DZIP1: variants seen among roughly 807,000 people sequenced by gnomAD.
DZIP1 encodes the protein cilium assembly protein DZIP1.
Under a neutral mutation model 107.6 loss-of-function variants are expected in DZIP1, and 97 were observed. The observed-to-expected ratio is 0.90, with a 90% confidence interval of 0.77 to 1.07. The LOEUF (loss-of-function observed/expected upper bound fraction) is 1.07, where lower values mean the gene tolerates loss of function less well. Ranked by LOEUF, DZIP1 falls within the 50% of genes least tolerant of loss-of-function variation. The probability of loss-of-function intolerance (pLI) is 0.00; values close to 1 mark genes in which losing one functional copy is unlikely to be tolerated. For synonymous variants in DZIP1, 390 were observed against 386.4 expected (o/e 1.01, Z -0.11); for missense variants, 1,035 against 1,063.6 (o/e 0.97, Z 0.37).
chr13:95,636,566 A>G (rs1174325292), intron 5 of DZIP1, among the ~76,000 whole-genome samples: 1 of 151,656 alleles, frequency 6.6e-6, no homozygotes, highest in Non-Finnish European at 1.5e-5. Flanking sequence ...AAAAATAGAA[A>G]AAAAGAAAAG....
chr13:95,594,848 C>T (rs973963993), intron 15 of DZIP1, among the ~76,000 whole-genome samples: 6 of 144,002 alleles, frequency 4.2e-5, no homozygotes, highest in Non-Finnish European at 9.0e-5. Context: ...ATTCTCCTCA[C>T]TTCCATCCCT....
chr13:95,599,223 G>C, intron 15 of DZIP1, 142 bp downstream of exon 15: 1 of 685,916 alleles, frequency 1.5e-6, no homozygotes, highest in South Asian at 1.9e-5. Context: ...ACTCTATGTG[G>C]GTTGAAAGTA....
intron 22 of DZIP1, 120 bp from the exon 23 acceptor site, chr13:95,582,433 A>C (rs2044033039): frequency 2.4e-6 from 2 of 826,918 alleles, no homozygotes; most frequent in African/African-American, 1.7e-5. Flanking sequence ...AAATCTGTTC[A>C]TGAATCCTCA....
At position 95,612,086 on chromosome 13, in the gene DZIP1, C is replaced by T. The variant is rs1292098812; in HGVS notation, c.1265G>A (p.Gly422Glu). 6.2e-7 allele frequency: 1 copy of T among 1,613,650 alleles called. No individual in the cohort carries two copies. The highest frequency in any genetic ancestry group is 8.5e-7 in the Non-Finnish European group (1 of 1,180,028). The change falls in exon 11 of 23, where the codon GGG (glycine) becomes GAG (glutamate). Residue 422 changes from glycine to glutamate, a missense_variant. Transcript: ENST00000376829. ...CTCATTCTGCTCCTGGAGTCTCTGC[C>T]CTAGCTCTTCTATCCTTTTCTTATA... ...VFYKKRIEEL[G>E]QRLQEQNELI... is the part of the protein sequence containing the mutation.
chr13:95,588,924 T>A (rs2044236976), intron 19 of DZIP1, among the ~76,000 whole-genome samples: 1 of 152,212 alleles, frequency 6.6e-6, no homozygotes, highest in Admixed American at 6.5e-5. Flanking sequence ...ATGACTCAGG[T>A]GTCTTGCTTC....
At chr13:95,601,940 C>T (rs562280588) in intron 14 of DZIP1, among the ~76,000 whole-genome samples, 5 of 152,238 alleles carry the variant, frequency 3.3e-5, no homozygotes, top group African/African-American at 9.6e-5. Flanking sequence ...AGCAGACTCC[C>T]GGGGAGGAAT....
At position 95,588,715 on chromosome 13, in the gene DZIP1, A is replaced by G. The variant is rs543466479; in HGVS notation, c.2027+439T>C. On this transcript the variant is annotated intron_variant, in intron 19 of 22. Coordinates refer to ENST00000376829, the MANE Select transcript of DZIP1 (RefSeq NM_198968.4). ...GATGAACAACTGGGCTAGGGTTTTT[A>G]GTATCCTAAGAGAACCTAAGACAGG... Among the ~76,000 whole-genome samples, 9 of 152,346 alleles carry G rather than the reference A, an allele frequency of 5.9e-5. No homozygotes were observed. The East Asian group carries it at 1.3e-3, about 23-fold the overall frequency.
intron 16 of DZIP1, among the ~76,000 whole-genome samples, chr13:95,591,985 G>C (rs1181141217): frequency 6.6e-6 from 1 of 152,090 alleles, no homozygotes; most frequent in Non-Finnish European, 1.5e-5. Flanking sequence ...GTATGGTATG[G>C]GAAAAGGAAC....
Position 95,582,216 on chromosome 13 carries a change from A to G in DZIP1, c.*18T>C, listed in dbSNP as rs1292375599. 1 of 1,612,054 alleles carries G rather than the reference A, an allele frequency of 6.2e-7. No individual in the cohort carries two copies. Among genetic ancestry groups the G allele is most frequent in the African/African-American group, 1.3e-5 (1 of 75,026 alleles). On this transcript the variant is annotated 3_prime_UTR_variant, in exon 23 of 23. Transcript: ENST00000376829. ...TGAAATACTGCTGGCTTCTGGAATA[A>G]TCTTCTGACATGTGGAATTAGACAT... is the stretch of plus-strand genomic sequence containing the variant.
chr13:95,633,743 T>C (rs1001082759), intron 5 of DZIP1, among the ~76,000 whole-genome samples: 2 of 150,720 alleles, frequency 1.3e-5, no homozygotes, highest in African/African-American at 4.9e-5. Context: ...GCTTTCTCGC[T>C]GAACGATACC....
rs1308373267 is a variant in DZIP1, at chr13:95,578,602, T to C, written c.*3632A>G. 6.6e-6 allele frequency: 1 copy of C among 152,244 alleles called. No homozygotes were observed. Among genetic ancestry groups the C allele is most frequent in the African/African-American group, 2.4e-5 (1 of 41,440 alleles). The allele number at this position is 152,244 out of a possible 1,614,324, so 9.4% of individuals were successfully genotyped here. A position where few individuals can be genotyped will look rare whatever the true frequency, so the allele number is the denominator to read the frequency against. ...TTAACTTCTACAGGATCAGAGAGGA[T>C]CTTGCTCATTCATGGCCATATCCAC... On this transcript the variant is annotated 3_prime_UTR_variant, in exon 23 of 23. Coordinates refer to ENST00000376829, the MANE Select transcript of DZIP1 (RefSeq NM_198968.4).
chr13:95,637,052 C>G (rs957335719), intron 5 of DZIP1: 2 of 152,202 alleles, frequency 1.3e-5, no homozygotes, highest in African/African-American at 4.8e-5. Flanking sequence ...GGAACCACAT[C>G]AAAAAGTTCA....
chr13:95,586,443 T>C (rs1229463981), intron 20 of DZIP1, among the ~76,000 whole-genome samples: 1 of 152,054 alleles, frequency 6.6e-6, no homozygotes, highest in Non-Finnish European at 1.5e-5. Flanking sequence ...CAAGCAATCC[T>C]CCTGCCTCAT....
rs974974179 is a variant in DZIP1, at chr13:95,589,275, A to G, written c.1974-68T>C. On this transcript the variant is annotated intron_variant, in intron 18 of 22. Coordinates refer to ENST00000376829, the MANE Select transcript of DZIP1 (RefSeq NM_198968.4). Reference sequence around the variant, plus strand: ...ATAATATAATTTCACATACATTTCTATGGAACTGGTGATTTTTGCTTTTGA... The same window carrying G: ...ATAATATAATTTCACATACATTTCTGTGGAACTGGTGATTTTTGCTTTTGA... 7 of 1,299,000 alleles carry G rather than the reference A, an allele frequency of 5.4e-6. No individual in the cohort carries two copies. The African/African-American group carries it at 7.6e-5, about 14-fold the overall frequency. 80.5% of individuals were successfully genotyped at this position (1,299,000 alleles called of 1,614,324 possible). A position where few individuals can be genotyped will look rare whatever the true frequency, so the allele number is the denominator to read the frequency against.
intron 14 of DZIP1, 102 bp downstream of exon 14, chr13:95,605,901 T>C: frequency 8.2e-7 from 1 of 1,218,326 alleles, no homozygotes; most frequent in East Asian, 2.4e-5. Context: ...ATGTTTCCTG[T>C]TTTATTATTA....
chr13:95,603,345 GT>G (rs1399564386), intron 14 of DZIP1, among the ~76,000 whole-genome samples: 8 of 133,936 alleles, frequency 6.0e-5, no homozygotes, highest in Admixed American at 5.3e-4. Context: ...AGAGTTTCCA[GT>G]TTTTGTGGTC....
chr13:95,605,945 T>C, intron 14 of DZIP1, 58 bp downstream of exon 14: 2 of 1,541,448 alleles, frequency 1.3e-6, no homozygotes, highest in South Asian at 2.3e-5. Context: ...GGTTAATAAG[T>C]TATCCAACTC....
chr13:95,587,332 T>G (rs1207456140), intron 20 of DZIP1, among the ~76,000 whole-genome samples: 3 of 152,150 alleles, frequency 2.0e-5, no homozygotes, highest in African/African-American at 2.4e-5. Context: ...CCTAGCAAAC[T>G]AATACACCAG....
chr13:95,590,044 C>G, intron 17 of DZIP1, 112 bp from the exon 18 acceptor site: 1 of 1,372,950 alleles, frequency 7.3e-7, no homozygotes, highest in Non-Finnish European at 9.8e-7. Flanking sequence ...ACAATCCCAT[C>G]TCTAGGGTTT....
Sources: allele counts gnomAD v4.1 joint callset (sites outside exome capture counted in the v4.1 genomes callset), GRCh38; gene constraint gnomAD v4.1.1; transcripts MANE v1.5; gene names NCBI Gene and HGNC (gene_info 2026-07-23, HGNC 2026-07-21).